The following ZNF724 variants were observed in gnomAD, a reference collection of about 807,000 sequenced individuals.
ZNF724 encodes zinc finger protein 724.
ZNF724 carries 14 observed loss-of-function variants against 29.3 expected under a neutral mutation model. The ratio of observed to expected loss-of-function variants is 0.48; its 90% confidence interval spans 0.32 to 0.75. The LOEUF is 0.75. ZNF724 is among the 30% of genes least tolerant of loss of function. The pLI is 0.04. For missense variants in ZNF724, 557 were observed against 571.2 expected (o/e 0.98, Z 0.25); for synonymous variants, 180 against 193.6 (o/e 0.93, Z 0.58).
At chr19:23,247,183 A>G (rs1467384493) in intron 1 of ZNF724, among the ~76,000 whole-genome samples, 1 of 152,206 alleles carries the variant, frequency 6.6e-6, no homozygotes, top group Non-Finnish European at 1.5e-5. Flanking sequence ...AGAACATGCC[A>G]CTGCACTCCA....
intron 3 of ZNF724, among the ~76,000 whole-genome samples, chr19:23,229,452 C>T (rs746570096): frequency 1.3e-5 from 2 of 151,938 alleles, no homozygotes; most frequent in Non-Finnish European, 2.9e-5. Flanking sequence ...CAGAAACCTA[C>T]ACAGTGACCT....
Position 23,223,125 on chromosome 19 carries a change from C to A in ZNF724, c.1120G>T (p.Ala374Ser), listed in dbSNP as rs777461398. The change falls in exon 4 of 4, where the codon GCC becomes TCC. Residue 374 changes from alanine (A) to serine (S), a missense_variant. Coordinates refer to ENST00000418100, the MANE Select transcript of ZNF724 (RefSeq NM_001355404.2). ...GTAAGAGTTGAGGACACGTTAAAGG[C>A]TTTGCCACACTCTTCACATTTGTAA... The part of the protein sequence containing the change: ...KPYKCEECGK[A>S]FNVSSTLTQH... 2.3e-6 allele frequency: 3 copies of A among 1,280,818 alleles called. No homozygotes were observed. Among genetic ancestry groups the A allele is most frequent in the Non-Finnish European group, 1.1e-6 (1 of 877,482 alleles). The allele number at this position is 1,280,818 out of a possible 1,614,324, so 79.3% of individuals were successfully genotyped here.
In ZNF724 at chr19:23,222,591, G is replaced by C. The variant is rs1352732849; in HGVS notation, c.1654C>G (p.His552Asp). ...AFYQYSNLTQ[H>D]KIIHTGEKPY... is the part of the protein sequence containing the mutation. ...TTCTCTCCAGTATGAATTATCTTAT[G>C]TTGAGTAAGGTTTGAGTATTGGTAA... Residue 552 changes from histidine to aspartate, a missense_variant, in exon 4 of 4, where the codon CAT becomes GAT. Physicochemically the swap from His to Asp is moderately conservative, Grantham distance 81. Transcript: ENST00000418100. 1 of 1,380,788 alleles carries C rather than the reference G, an allele frequency of 7.2e-7. No individual in the cohort carries two copies. Among genetic ancestry groups the C allele is most frequent in the Non-Finnish European group, 1.0e-6 (1 of 969,488 alleles). 85.5% of individuals were successfully genotyped at this position (1,380,788 alleles called of 1,614,324 possible).
chr19:23,240,978 AGCCAAGATCAC>A (rs1379161208), intron 1 of ZNF724, among the ~76,000 whole-genome samples: 1 of 152,068 alleles, frequency 6.6e-6, no homozygotes, highest in African/African-American at 2.4e-5. Flanking sequence ...GGTTGCAGTG[AGCCAAGATCAC>A]GCCAGTGCAC....
In ZNF724 at chr19:23,232,302, TACACACAC is replaced by T. The variant is rs534165286; in HGVS notation, c.4-17_4-10del. On this transcript the variant is annotated splice_polypyrimidine_tract_variant and intron_variant, in intron 1 of 3. Transcript: ENST00000418100. ...ATAAATGTCAATGGTCCCTGAAAAG[TACACACAC>T]ACATATTTACGAAGTGGCCATGGGC... 1.7e-6 allele frequency: 2 copies of T among 1,200,428 alleles called. No individual in the cohort carries two copies. Among genetic ancestry groups the T allele is most frequent in the African/African-American group, 3.0e-5 (2 of 66,312 alleles). 74.4% of individuals were successfully genotyped at this position (1,200,428 alleles called of 1,614,324 possible). A position where few individuals can be genotyped will look rare whatever the true frequency, so the allele number is the denominator to read the frequency against.
intron 1 of ZNF724, among the ~76,000 whole-genome samples, chr19:23,247,780 A>G (rs1225168909): frequency 6.6e-6 from 1 of 152,248 alleles, no homozygotes; most frequent in African/African-American, 2.4e-5. Flanking sequence ...TATGTCTCCA[A>G]GAAATGGAAA....
intron 1 of ZNF724, among the ~76,000 whole-genome samples, chr19:23,238,760 T>C (rs899765930): frequency 4.6e-5 from 7 of 152,072 alleles, no homozygotes; most frequent in African/African-American, 1.7e-4. Flanking sequence ...AATAAAAAAT[T>C]AGCCGGGCGT....
Position 23,222,492 on chromosome 19 carries a change from T to C in ZNF724, c.1753A>G (p.Thr585Ala), listed in dbSNP as rs773650608. The C allele has an allele frequency of 8.4e-6, 11 of 1,307,592 alleles. No homozygotes were observed. The highest frequency in any genetic ancestry group is 4.7e-5 in the South Asian group (4 of 84,500). 81.0% of individuals were successfully genotyped at this position (1,307,592 alleles called of 1,614,324 possible). Residue 585 changes from threonine (T) to alanine (A), a missense_variant, in exon 4 of 4, where the codon ACT (threonine) becomes GCT (alanine). Transcript: ENST00000418100. ...TTACATTTGTAGGGTTTCTCTCCAG[T>C]ATGAATTACCTTATGTTTAGTCAGA... Reference protein sequence around the residue: ...STLTKHKVIHTGEKPYKCKEC... With the variant: ...STLTKHKVIHAGEKPYKCKEC...
chr19:23,223,658 T>C lies in ZNF724; in HGVS notation c.587A>G (p.Asn196Ser). ...TQHKRIHTTV[N>S]SYKLEECGKA... is the part of the protein sequence containing the mutation. ...GCCACATTCTTCAAGTTTGTAGGAA[T>C]TGACAGTAGTGTGAATTCTTTTATG... Residue 196 changes from asparagine to serine, a missense_variant, in exon 4 of 4, where the codon AAT (asparagine) becomes AGT (serine). Coordinates refer to ENST00000418100, the MANE Select transcript of ZNF724 (RefSeq NM_001355404.2). 1.4e-6 allele frequency: 1 copy of C among 714,818 alleles called. No homozygotes were observed. Among genetic ancestry groups the C allele is most frequent in the Non-Finnish European group, 2.6e-6 (1 of 385,602 alleles). 44.3% of individuals were successfully genotyped at this position (714,818 alleles called of 1,614,324 possible).
rs188552515 is a variant in ZNF724, at chr19:23,239,233, T to A, written c.4-6940A>T. Among the ~76,000 whole-genome samples, 17 of 145,506 alleles carry A rather than the reference T, an allele frequency of 1.2e-4. No individual in the cohort carries two copies. In the Admixed American group the frequency reaches 1.2e-3, roughly 10 times the overall value. ...TTTGACCAAATAGTCCTAACTGGCA[T>A]CTATAGAACTGTCCAACTGAAATCA... On this transcript the variant is annotated intron_variant, in intron 1 of 3. Transcript: ENST00000418100.
At chr19:23,234,234 T>G (rs560623279) in intron 1 of ZNF724, among the ~76,000 whole-genome samples, 1 of 152,304 alleles carries the variant, frequency 6.6e-6, no homozygotes, top group South Asian at 2.1e-4. Flanking sequence ...TAGAGTCACA[T>G]GAGGCACTTA....
At chr19:23,243,735 C>T (rs1186964989) in intron 1 of ZNF724, among the ~76,000 whole-genome samples, 1 of 151,380 alleles carries the variant, frequency 6.6e-6, no homozygotes, top group Non-Finnish European at 1.5e-5. Flanking sequence ...CCAGCCTGGT[C>T]CACATGATGA....
chr19:23,246,961 G>C (rs1230615365), intron 1 of ZNF724, among the ~76,000 whole-genome samples: 1 of 152,022 alleles, frequency 6.6e-6, no homozygotes, highest in African/African-American at 2.4e-5. Flanking sequence ...GGTGACTCAC[G>C]CCTGTAATCC....
chr19:23,223,202 T>C lies in ZNF724; in HGVS notation c.1043A>G (p.Asn348Ser), dbSNP rs990990341. 9.1e-7 allele frequency: 1 copy of C among 1,099,844 alleles called. No homozygotes were observed. The highest frequency in any genetic ancestry group is 1.2e-5 in the South Asian group (1 of 80,546). The allele number at this position is 1,099,844 out of a possible 1,614,324, so 68.1% of individuals were successfully genotyped here. A position where few individuals can be genotyped will look rare whatever the true frequency, so the allele number is the denominator to read the frequency against. ...YKCEECGKAF[N>S]VSSTLTQHKR... ...ATGTTGAGTAAGGGTTGAGGACACA[T>C]TAAAGGCTTTGCCACATTCTTCACA... Residue 348 changes from asparagine (N) to serine (S), a missense_variant, in exon 4 of 4, where the codon AAT becomes AGT. Transcript: ENST00000418100.
chr19:23,229,832 G>A lies in ZNF724; in HGVS notation c.226+1434C>T, dbSNP rs148342004. Reference sequence around the variant, plus strand: ...TTTCTTGAAATTCACAGACACCAGTGCAAAACTATATTGTGCCCAGTGTCA... The same window carrying A: ...TTTCTTGAAATTCACAGACACCAGTACAAAACTATATTGTGCCCAGTGTCA... On this transcript the variant is annotated intron_variant, in intron 3 of 3. Transcript: ENST00000418100. Among the ~76,000 whole-genome samples, 20 of 152,204 alleles carry A rather than the reference G, an allele frequency of 1.3e-4. No homozygotes were observed. The East Asian group carries it at 3.9e-3, about 29-fold the overall frequency.
At chr19:23,239,784 C>T (rs1273954494) in intron 1 of ZNF724, among the ~76,000 whole-genome samples, 1 of 151,996 alleles carries the variant, frequency 6.6e-6, no homozygotes, top group Non-Finnish European at 1.5e-5. Flanking sequence ...GTACTCCAGG[C>T]TAGGCAACGC....
intron 3 of ZNF724, among the ~76,000 whole-genome samples, 177 bp from the exon 4 acceptor site, chr19:23,224,195 T>G (rs1159269131): frequency 6.6e-6 from 1 of 152,142 alleles, no homozygotes. Context: ...GCAGATCACC[T>G]GAAGTCAGGA....
rs142551008 is a variant in ZNF724 at position 23,244,662 on chromosome 19, C to T, written c.3+5578G>A. On this transcript the variant is annotated intron_variant, in intron 1 of 3. Coordinates refer to ENST00000418100, the MANE Select transcript of ZNF724 (RefSeq NM_001355404.2). ...CTGAACACCAAGCAACTCTCCAACA[C>T]CAATTCTTTATCTAACATTTAAATT... is the stretch of plus-strand genomic sequence containing the variant. Among the ~76,000 whole-genome samples, 174 of 152,312 alleles carry T rather than the reference C, an allele frequency of 1.1e-3. 3 individuals are homozygous for T. The East Asian group carries it at 0.018, about 16-fold the overall frequency.
chr19:23,236,630 C>T (rs555625318), intron 1 of ZNF724: 2 of 152,268 alleles, frequency 1.3e-5, no homozygotes, highest in African/African-American at 4.8e-5. Flanking sequence ...TAAGATTGAT[C>T]ATGTTGGCCA....
Sources: gnomAD v4.1 joint callset for allele counts (sites outside exome capture counted in the v4.1 genomes callset) on GRCh38, gnomAD v4.1.1 for gene constraint, MANE v1.5 for transcripts, NCBI Gene and HGNC (gene_info 2026-07-23, HGNC 2026-07-21) for gene names.